Variants in CNTLN observed in about 807,000 individuals in gnomAD.
The protein encoded by CNTLN is centlein, centrosomal protein.
CNTLN carries 212 observed loss-of-function variants against 180.0 expected under a neutral mutation model. The observed-to-expected ratio is 1.18, with a 90% CI of 1.05 to 1.32. The LOEUF (loss-of-function observed/expected upper bound fraction) is 1.32, where lower values mean the gene tolerates loss of function less well. Ranked by LOEUF, CNTLN falls within the 40% of genes most tolerant of loss-of-function variation. The pLI is 0.00. For synonymous variants in CNTLN, 722 were observed against 563.1 expected (o/e 1.28, Z -3.99); for missense variants, 2,095 against 1,610.9 (o/e 1.30, Z -5.14).
chr9:17,223,638 C>G (rs1023173787), intron 2 of CNTLN, among the ~76,000 whole-genome samples: 5 of 152,002 alleles, frequency 3.3e-5, no homozygotes, highest in Admixed American at 3.3e-4. Flanking sequence ...GTACAATTCA[C>G]CTTTCTTTTT....
At chr9:17,196,592 T>C (rs1297765850) in intron 2 of CNTLN, among the ~76,000 whole-genome samples, 4 of 152,006 alleles carry the variant, frequency 2.6e-5, no homozygotes, top group Admixed American at 2.0e-4. Flanking sequence ...ATAAGACTTA[T>C]ATGAATATTT....
At chr9:17,492,371 A>C (rs1000697508) in intron 25 of CNTLN, among the ~76,000 whole-genome samples, 3 of 152,064 alleles carry the variant, frequency 2.0e-5, no homozygotes, top group African/African-American at 7.2e-5. Flanking sequence ...TGTAACCAGT[A>C]TTCTAAAATT....
chr9:17,489,970 A>G (rs1833068616), intron 25 of CNTLN, among the ~76,000 whole-genome samples: 1 of 152,134 alleles, frequency 6.6e-6, no homozygotes, highest in Non-Finnish European at 1.5e-5. Context: ...CTCTTTTCAC[A>G]TTGATATATT....
chr9:17,500,974 A>G (rs1425899400), intron 25 of CNTLN, among the ~76,000 whole-genome samples: 1 of 152,214 alleles, frequency 6.6e-6, no homozygotes, highest in Non-Finnish European at 1.5e-5. Context: ...TACTGCTTTT[A>G]TCATTATCCT....
Position 17,202,397 on chromosome 9 carries a change from T to A in CNTLN, c.450-23806T>A, listed in dbSNP as rs12238795. Among the ~76,000 whole-genome samples, 276 of 152,116 alleles carry A rather than the reference T, an allele frequency of 1.8e-3. 1 individual carries two copies. Among genetic ancestry groups the A allele is most frequent in the East Asian group, 0.016 (81 of 5,162 alleles). ...CAAGGCCTGAATATCCTTGTTAATT[T>A]TCTGTCTCATTATTGACAGTGGGGT... On this transcript the variant is annotated intron_variant, in intron 2 of 25. Transcript: ENST00000380647.
chr9:17,138,874 A>G (rs923073258), intron 1 of CNTLN, among the ~76,000 whole-genome samples: 3 of 152,174 alleles, frequency 2.0e-5, no homozygotes, highest in Non-Finnish European at 2.9e-5. Flanking sequence ...GTGTTTGTAT[A>G]GATGGTATCT....
the CNTLN span, among the ~76,000 whole-genome samples, chr9:17,526,814 A>C: frequency 3.5e-4 from 53 of 152,126 alleles, no homozygotes; most frequent in Non-Finnish European, 1.0e-4. Flanking sequence ...TTTAACAAAA[A>C]TGCTTACAAT....
At chr9:17,160,413 T>C (rs1269608816) in intron 2 of CNTLN, among the ~76,000 whole-genome samples, 1 of 152,170 alleles carries the variant, frequency 6.6e-6, no homozygotes, top group Non-Finnish European at 1.5e-5. Context: ...TTTCTCACTA[T>C]CACAGGCATG....
At chr9:17,507,517 G>T, downstream of CNTLN, among the ~76,000 whole-genome samples, 1 of 151,978 alleles carries the variant, frequency 6.6e-6, no homozygotes, top group Non-Finnish European at 1.5e-5. Context: ...CTACTAATTG[G>T]GTTACTGGGT....
At chr9:17,295,815 C>T (rs7041284) in intron 6 of CNTLN, among the ~76,000 whole-genome samples, 2,427 of 152,192 alleles carry the variant, frequency 0.016, 68 homozygotes, top group African/African-American at 0.056. Context: ...TAGAAATAAA[C>T]ATATCTACAT....
chr9:17,201,098 T>A (rs1822494220), intron 2 of CNTLN, among the ~76,000 whole-genome samples: 1 of 152,228 alleles, frequency 6.6e-6, no homozygotes, highest in Non-Finnish European at 1.5e-5. Flanking sequence ...ATCATGTGAT[T>A]TTTGTCATTG....
intron 12 of CNTLN, among the ~76,000 whole-genome samples, chr9:17,362,290 C>G (rs975399619): frequency 6.6e-6 from 1 of 152,060 alleles, no homozygotes; most frequent in East Asian, 1.9e-4. Context: ...GTTCCACGTT[C>G]TTAAATAAAC....
chr9:17,346,247 C>A (rs1290914983), intron 12 of CNTLN, among the ~76,000 whole-genome samples: 2 of 151,918 alleles, frequency 1.3e-5, no homozygotes, highest in African/African-American at 4.8e-5. Flanking sequence ...GAGAACACAC[C>A]AGCATGAGAT....
intron 7 of CNTLN, chr9:17,299,546 A>G (rs1241378213): frequency 1.0e-6 from 1 of 985,242 alleles, no homozygotes; most frequent in African/African-American, 1.7e-5. Context: ...GATGCTTTGT[A>G]ACAGTGGTTT....
At chr9:17,168,689 G>T (rs1350796317) in intron 2 of CNTLN, 3 of 152,060 alleles carry the variant, frequency 2.0e-5, no homozygotes, top group Admixed American at 2.0e-4. Flanking sequence ...GTCCTGTATA[G>T]CAACATTTAT....
chr9:17,429,351 T>A (rs1587970793), intron 18 of CNTLN, among the ~76,000 whole-genome samples: 1 of 152,040 alleles, frequency 6.6e-6, no homozygotes, highest in East Asian at 1.9e-4. Context: ...TATTGTAGAC[T>A]GTGGCAACAG....
chr9:17,243,430 T>C (rs1825614097), intron 5 of CNTLN, among the ~76,000 whole-genome samples: 1 of 152,298 alleles, frequency 6.6e-6, no homozygotes, highest in East Asian at 1.9e-4. Flanking sequence ...GTTAGGTGCT[T>C]TTTTGATGTA....
chr9:17,344,063 A>G (rs565524337), intron 12 of CNTLN, among the ~76,000 whole-genome samples: 1 of 152,336 alleles, frequency 6.6e-6, no homozygotes, highest in Admixed American at 6.5e-5. Flanking sequence ...AAAGAAAGTA[A>G]TTTTGAATAA....
intron 12 of CNTLN, among the ~76,000 whole-genome samples, chr9:17,365,149 G>A (rs1026589018): frequency 1.1e-4 from 17 of 152,160 alleles, no homozygotes; most frequent in African/African-American, 3.9e-4. Flanking sequence ...TGAAGGAGGG[G>A]TCTGGTGAGA....
Sources: allele counts gnomAD v4.1 joint callset (sites outside exome capture counted in the v4.1 genomes callset), GRCh38; gene constraint gnomAD v4.1.1; transcripts MANE v1.5; gene names NCBI Gene and HGNC (gene_info 2026-07-23, HGNC 2026-07-21).